RBFOX1: variants seen among roughly 807,000 people sequenced by gnomAD.
RBFOX1 encodes the protein RNA binding fox-1 homolog 1.
In RBFOX1, 8 loss-of-function variants were observed where a neutral mutation model predicts 57.7. The ratio of observed to expected loss-of-function variants is 0.14; its 90% CI spans 0.08 to 0.25. The LOEUF (loss-of-function observed/expected upper bound fraction) is 0.25, where lower values mean the gene tolerates loss of function less well. Among genes scored for constraint, RBFOX1 ranks in the 10% least tolerant of loss-of-function variants. RBFOX1 has a pLI of 1.00. For missense variants in RBFOX1, 611 were observed against 548.5 expected, an observed-to-expected ratio of 1.11 and a Z score of -1.14; for synonymous variants, 326 against 222.4, an observed-to-expected ratio of 1.47 and a Z score of -4.15.
intron 1 of RBFOX1, among the ~76,000 whole-genome samples, chr16:5,417,246 C>A (rs886220333): frequency 5.3e-5 from 8 of 152,188 alleles, no homozygotes; most frequent in Non-Finnish European, 7.3e-5. Context: ...TGGCAGGGTT[C>A]CCCTACTCCC....
At chr16:6,929,957 G>C (rs998002340) in intron 3 of RBFOX1, among the ~76,000 whole-genome samples, 3 of 152,170 alleles carry the variant, frequency 2.0e-5, no homozygotes, top group African/African-American at 7.2e-5. Context: ...AGTTCGTCAG[G>C]AATCAGAATG....
rs572606908 is a variant in RBFOX1 at position 6,947,431 on chromosome 16, G to A, written c.-15-104626G>A. Among the ~76,000 whole-genome samples the A allele has an allele frequency of 1.1e-4, 16 of 152,264 alleles. No homozygotes were observed. In the South Asian group the frequency reaches 3.3e-3, roughly 32 times the overall value. ...AGGAACAGATGGGAGAATGGAGACT[G>A]GCTTCAACTGGCCGTATTTCATCCG... On this transcript the variant is annotated intron_variant, in intron 3 of 15. Coordinates refer to ENST00000550418, the MANE Select transcript of RBFOX1 (RefSeq NM_018723.4).
intron 1 of RBFOX1, among the ~76,000 whole-genome samples, chr16:6,218,925 TG>T (rs1184704267): frequency 6.6e-6 from 1 of 151,762 alleles, no homozygotes; most frequent in Non-Finnish European, 1.5e-5. Context: ...CATGCAAGTA[TG>T]AATAGGGTAT....
chr16:6,012,840 A>G (rs2152339989), intron 4 of RBFOX1, among the ~76,000 whole-genome samples: 1 of 152,314 alleles, frequency 6.6e-6, no homozygotes, highest in South Asian at 2.1e-4. Flanking sequence ...AACATCTGGA[A>G]GTAAAGAAAA....
At chr16:5,325,263 T>C (rs1254644041) in intron 1 of RBFOX1, among the ~76,000 whole-genome samples, 2 of 152,006 alleles carry the variant, frequency 1.3e-5, no homozygotes, top group Non-Finnish European at 2.9e-5. Flanking sequence ...TTTCCCCAAC[T>C]ACTTGTAATA....
At chr16:6,940,851 C>G (rs4786953) in intron 3 of RBFOX1, among the ~76,000 whole-genome samples, 104,457 of 126,830 alleles carry the variant, frequency 0.82, 41,243 homozygotes, top group East Asian at 0.96. Flanking sequence ...TCCGGCTAGT[C>G]TGTGTGTGTG....
chr16:5,461,635 C>G (rs922993057), intron 1 of RBFOX1, among the ~76,000 whole-genome samples: 1 of 152,160 alleles, frequency 6.6e-6, no homozygotes, highest in African/African-American at 2.4e-5. Flanking sequence ...TGGATTCAAG[C>G]CCGAGCCTTG....
At chr16:5,594,025 T>C (rs1321124888) in intron 2 of RBFOX1, among the ~76,000 whole-genome samples, 1 of 151,908 alleles carries the variant, frequency 6.6e-6, no homozygotes, top group East Asian at 1.9e-4. Flanking sequence ...TCATGAGGCT[T>C]TGGTCAGCCA....
chr16:5,356,977 A>G (rs1414325811), intron 1 of RBFOX1, among the ~76,000 whole-genome samples: 1 of 152,226 alleles, frequency 6.6e-6, no homozygotes, highest in Non-Finnish European at 1.5e-5. Flanking sequence ...CCAGTGAAGT[A>G]GGTACTATTA....
chr16:5,964,188 C>T (rs186926175), intron 4 of RBFOX1, among the ~76,000 whole-genome samples: 21 of 152,178 alleles, frequency 1.4e-4, no homozygotes, highest in African/African-American at 3.6e-4. Context: ...AAATCAAAAC[C>T]GTAATGAGAT....
At chr16:6,706,516 C>T (rs915441400) in intron 3 of RBFOX1, among the ~76,000 whole-genome samples, 2 of 152,234 alleles carry the variant, frequency 1.3e-5, no homozygotes, top group Non-Finnish European at 2.9e-5. Context: ...ACTTTGCAGC[C>T]GTGTTAATTG....
intron 4 of RBFOX1, among the ~76,000 whole-genome samples, chr16:7,140,149 C>T (rs1322418897): frequency 2.4e-5 from 2 of 83,056 alleles, no homozygotes; most frequent in Non-Finnish European, 4.9e-5. Flanking sequence ...TTATTCTCTC[C>T]TTCTCTCCCT....
At chr16:6,086,086 T>G (rs905177913) in intron 1 of RBFOX1, among the ~76,000 whole-genome samples, 51 of 152,112 alleles carry the variant, frequency 3.4e-4, no homozygotes, top group African/African-American at 1.2e-3. Flanking sequence ...TGGTTTTCTG[T>G]TCCTGTATTA....
At chr16:6,544,545 C>T (rs1489169681) in intron 2 of RBFOX1, among the ~76,000 whole-genome samples, 1 of 152,120 alleles carries the variant, frequency 6.6e-6, no homozygotes, top group East Asian at 1.9e-4. Context: ...TTATATGCAA[C>T]TCTTGGTATT....
At chr16:5,499,699 A>C (rs1220172081) in intron 2 of RBFOX1, among the ~76,000 whole-genome samples, 2 of 151,610 alleles carry the variant, frequency 1.3e-5, no homozygotes, top group African/African-American at 4.9e-5. Context: ...TAGTCTCCCG[A>C]GTAGCTGGGA....
intron 3 of RBFOX1, among the ~76,000 whole-genome samples, chr16:6,821,326 C>A (rs1375870014): frequency 3.3e-5 from 5 of 152,204 alleles, no homozygotes; most frequent in African/African-American, 1.2e-4. Flanking sequence ...TGCTACCTGA[C>A]ATGTTTTGTC....
At chr16:5,276,044 T>C (rs181435654) in intron 1 of RBFOX1, among the ~76,000 whole-genome samples, 68 of 152,290 alleles carry the variant, frequency 4.5e-4, no homozygotes, top group Admixed American at 3.6e-3. Context: ...ACAAGATGGA[T>C]CAAAGACTTA....
intron 2 of RBFOX1, among the ~76,000 whole-genome samples, chr16:6,450,805 A>ATG (rs1567303229): frequency 5.3e-4 from 7 of 13,268 alleles, no homozygotes; most frequent in African/African-American, 3.2e-3. Flanking sequence ...ATATATGTAT[A>ATG]TATATATATA....
intron 3 of RBFOX1, among the ~76,000 whole-genome samples, chr16:5,672,388 C>G (rs1192321257): frequency 6.6e-6 from 1 of 152,132 alleles, no homozygotes; most frequent in African/African-American, 2.4e-5. Flanking sequence ...CATTTCTGCA[C>G]CTCTTCAGTG....
Sources: allele counts gnomAD v4.1 joint callset (sites outside exome capture counted in the v4.1 genomes callset), GRCh38; gene constraint gnomAD v4.1.1; transcripts MANE v1.5; gene names NCBI Gene and HGNC (gene_info 2026-07-23, HGNC 2026-07-21).